The following RALYL variants were observed in gnomAD, a reference collection of about 807,000 sequenced individuals.
The protein encoded by RALYL is RNA-binding Raly-like protein.
Under a neutral mutation model 35.1 loss-of-function variants are expected in RALYL, and 29 were observed. That is an observed-to-expected ratio of 0.83 (90% confidence interval 0.61 to 1.13). The LOEUF (loss-of-function observed/expected upper bound fraction) is 1.13, where lower values mean the gene tolerates loss of function less well. Among genes scored for constraint, RALYL ranks in the 50% most tolerant of loss-of-function variants. The pLI is 0.00. For missense variants in RALYL, 359 were observed against 360.4 expected (o/e 1.00, Z 0.03); for synonymous variants, 120 against 127.6 (o/e 0.94, Z 0.40).
chr8:84,684,088 C>T (rs551870377), intron 2 of RALYL, among the ~76,000 whole-genome samples: 1 of 152,178 alleles, frequency 6.6e-6, no homozygotes, highest in East Asian at 1.9e-4. Context: ...AACTATTATG[C>T]CAAATTCAGC....
intron 2 of RALYL, among the ~76,000 whole-genome samples, chr8:84,728,350 G>A: frequency 6.6e-6 from 1 of 152,046 alleles, no homozygotes; most frequent in Non-Finnish European, 1.5e-5. Context: ...ATTTGTTTGA[G>A]TTCATTGTAG....
intron 3 of RALYL, among the ~76,000 whole-genome samples, chr8:84,791,530 T>A (rs1449134505): frequency 2.6e-5 from 4 of 152,174 alleles, no homozygotes; most frequent in Non-Finnish European, 5.9e-5. Context: ...TGACAGAACT[T>A]AAATTCTGAA....
chr8:84,406,066 A>C (rs1322745992), intron 1 of RALYL, among the ~76,000 whole-genome samples: 2 of 151,308 alleles, frequency 1.3e-5, no homozygotes, highest in African/African-American at 4.8e-5. Context: ...TAAAGTAAAA[A>C]AAAAAAAAAA....
At chr8:84,595,217 C>T (rs1377888009) in intron 2 of RALYL, among the ~76,000 whole-genome samples, 1 of 152,072 alleles carries the variant, frequency 6.6e-6, no homozygotes, top group African/African-American at 2.4e-5. Flanking sequence ...ATTACATCTC[C>T]AAATACATTG....
intron 5 of RALYL, among the ~76,000 whole-genome samples, chr8:84,851,097 T>C (rs1234632136): frequency 6.6e-6 from 1 of 152,230 alleles, no homozygotes; most frequent in Non-Finnish European, 1.5e-5. Flanking sequence ...TGCTGCATTT[T>C]CATCTTTGAT....
chr8:84,678,954 CA>C (rs1157899713), intron 2 of RALYL: 1 of 245,794 alleles, frequency 4.1e-6, no homozygotes, highest in East Asian at 1.1e-4. Context: ...GAATGACATT[CA>C]ACAACTTCTT....
At chr8:84,391,659 G>T (rs1467066001) in intron 1 of RALYL, among the ~76,000 whole-genome samples, 2 of 151,980 alleles carry the variant, frequency 1.3e-5, no homozygotes, top group Admixed American at 6.6e-5. Context: ...GATATTGTAG[G>T]CATATTAAGG....
intron 3 of RALYL, among the ~76,000 whole-genome samples, chr8:84,802,188 C>T (rs1183155103): frequency 6.6e-6 from 1 of 152,140 alleles, no homozygotes; most frequent in East Asian, 1.9e-4. Context: ...TTTCAGTAAG[C>T]TTTATTTACG....
intron 1 of RALYL, among the ~76,000 whole-genome samples, chr8:84,509,701 G>A (rs1400218572): frequency 6.6e-6 from 1 of 152,066 alleles, no homozygotes; most frequent in South Asian, 2.1e-4. Context: ...TATAAAGGGT[G>A]TAAAGTGTTT....
chr8:84,675,407 G>A (rs1259317358), intron 2 of RALYL, among the ~76,000 whole-genome samples: 1 of 152,072 alleles, frequency 6.6e-6, no homozygotes, highest in African/African-American at 2.4e-5. Flanking sequence ...CTTACAAATG[G>A]CTCCTTAAAT....
At chr8:84,732,062 A>G (rs1475564217) in intron 2 of RALYL, among the ~76,000 whole-genome samples, 5 of 152,146 alleles carry the variant, frequency 3.3e-5, no homozygotes, top group African/African-American at 1.2e-4. Flanking sequence ...TGATCCTGCA[A>G]ACAGAGAAAA....
chr8:84,794,876 C>A (rs564417351), intron 3 of RALYL, among the ~76,000 whole-genome samples: 6 of 152,220 alleles, frequency 3.9e-5, no homozygotes, highest in African/African-American at 1.4e-4. Flanking sequence ...ACAGTCCATC[C>A]GAGGGAGATG....
chr8:84,355,696 C>T (rs1031015049), intron 1 of RALYL, among the ~76,000 whole-genome samples: 3 of 149,958 alleles, frequency 2.0e-5, no homozygotes, highest in South Asian at 2.1e-4. Flanking sequence ...GGGATGGTCA[C>T]TAGGCTTATG....
At position 84,816,862 on chromosome 8, in the gene RALYL, A is replaced by C. The variant is rs187621114; in HGVS notation, c.365+12060A>C. On this transcript the variant is annotated intron_variant, in intron 4 of 8. Transcript: ENST00000521268. ...TTACACATTGCGTACCTGTGTGAAA[A>C]TATCTCATGTACCCCACAAATATAT... Among the ~76,000 whole-genome samples, 4 of 152,306 alleles carry C rather than the reference A, an allele frequency of 2.6e-5. No individual in the cohort carries two copies. The East Asian group carries it at 7.7e-4, about 29-fold the overall frequency.
At chr8:84,780,757 C>A (rs1435443387) in intron 3 of RALYL, among the ~76,000 whole-genome samples, 1 of 152,166 alleles carries the variant, frequency 6.6e-6, no homozygotes, top group East Asian at 1.9e-4. Context: ...GAGCCTGCAA[C>A]TATTAGAGAT....
intron 2 of RALYL, among the ~76,000 whole-genome samples, chr8:84,674,546 T>G (rs942997168): frequency 1.3e-5 from 2 of 152,146 alleles, no homozygotes; most frequent in Non-Finnish European, 2.9e-5. Flanking sequence ...CACAGCATTC[T>G]TTTGTAGTTA....
rs371189231 is a variant in RALYL, at chr8:84,582,337, G to A, written c.256+52760G>A. ...AATGAGAACTACTGTTATAACAAACGTAACTCATTTTTGTTTAAATTATAC... is the reference window on the plus strand; with the variant it reads ...AATGAGAACTACTGTTATAACAAACATAACTCATTTTTGTTTAAATTATAC... On this transcript the variant is annotated intron_variant, in intron 2 of 8. Coordinates refer to ENST00000521268, the MANE Select transcript of RALYL (RefSeq NM_173848.7). Among the ~76,000 whole-genome samples, 24 of 152,022 alleles carry A rather than the reference G, an allele frequency of 1.6e-4. No individual in the cohort carries two copies. The South Asian group carries it at 1.7e-3, about 10-fold the overall frequency.
chr8:84,751,035 G>A (rs2133205781), intron 2 of RALYL, among the ~76,000 whole-genome samples: 1 of 152,206 alleles, frequency 6.6e-6, no homozygotes. Flanking sequence ...ACCTGCTCTT[G>A]AGAAACTGTT....
intron 1 of RALYL, among the ~76,000 whole-genome samples, chr8:84,236,701 C>T (rs1826646593): frequency 6.6e-6 from 1 of 152,110 alleles, no homozygotes; most frequent in Non-Finnish European, 1.5e-5. Context: ...ACTCACTATA[C>T]TTTTCCAATC....
Sources: gnomAD v4.1 joint callset for allele counts (sites outside exome capture counted in the v4.1 genomes callset) on GRCh38, gnomAD v4.1.1 for gene constraint, MANE v1.5 for transcripts, NCBI Gene and HGNC (gene_info 2026-07-23, HGNC 2026-07-21) for gene names.